CNBD1: variants seen among roughly 807,000 people sequenced by gnomAD.
CNBD1 encodes cyclic nucleotide binding domain containing 1, also known as cyclic nucleotide-binding domain-containing protein 1.
A neutral mutation model predicts 54.4 loss-of-function variants in CNBD1; 71 were observed. The observed-to-expected ratio is 1.30, with a 90% CI of 1.08 to 1.59. The LOEUF is 1.59. CNBD1 is among the 40% of genes most tolerant of loss of function. The probability of loss-of-function intolerance (pLI) is 0.00; values close to 1 mark genes in which losing one functional copy is unlikely to be tolerated. For missense variants in CNBD1, 659 were observed against 518.0 expected (o/e 1.27, Z -2.64); for synonymous variants, 182 against 170.7 (o/e 1.07, Z -0.51).
chr8:87,407,697 T>A (rs1678018214), intron 2 of CNBD1, among the ~76,000 whole-genome samples: 1 of 152,088 alleles, frequency 6.6e-6, no homozygotes, highest in South Asian at 2.1e-4. Context: ...GTAATTTGGA[T>A]AAGTAGGTAA....
intron 4 of CNBD1, among the ~76,000 whole-genome samples, chr8:86,969,793 T>TATACAC (rs1353293101): frequency 2.6e-3 from 371 of 144,530 alleles, no homozygotes; most frequent in African/African-American, 8.9e-3. Flanking sequence ...TATATATATA[T>TATACAC]ACACACACAC....
downstream of CNBD1, among the ~76,000 whole-genome samples, chr8:87,387,427 GA>G (rs996928709): frequency 1.4e-3 from 210 of 151,712 alleles, 1 homozygote; most frequent in African/African-American, 4.6e-3. Flanking sequence ...CAAGCAAATG[GA>G]AAACAAAAAA....
chr8:87,071,016 ATTAT>A (rs1397638604), intron 4 of CNBD1, among the ~76,000 whole-genome samples: 4 of 151,984 alleles, frequency 2.6e-5, no homozygotes, highest in East Asian at 1.9e-4. Context: ...TGATTAGTTA[ATTAT>A]TCTTTGGAAG....
intron 4 of CNBD1, among the ~76,000 whole-genome samples, chr8:87,198,898 C>A (rs1813780894): frequency 6.6e-6 from 1 of 152,110 alleles, no homozygotes. Context: ...TTACAGGAAG[C>A]CTGGTGCGGG....
At chr8:87,272,948 A>G (rs1282119606) in intron 6 of CNBD1, among the ~76,000 whole-genome samples, 1 of 151,902 alleles carries the variant, frequency 6.6e-6, no homozygotes, top group Non-Finnish European at 1.5e-5. Flanking sequence ...AAAATTGTTA[A>G]TATGCTTATA....
At chr8:87,354,874 A>G (rs1308547947) in intron 10 of CNBD1, among the ~76,000 whole-genome samples, 1 of 152,144 alleles carries the variant, frequency 6.6e-6, no homozygotes, top group African/African-American at 2.4e-5. Context: ...ATACGTATGC[A>G]TTTGTCTTTA....
intron 8 of CNBD1, among the ~76,000 whole-genome samples, chr8:87,330,162 A>C (rs1345705977): frequency 6.7e-6 from 1 of 150,182 alleles, no homozygotes; most frequent in Non-Finnish European, 1.5e-5. Context: ...TTATTTTTTT[A>C]ATGTTCATAA....
At chr8:87,147,116 C>T (rs1193772228) in intron 4 of CNBD1, among the ~76,000 whole-genome samples, 1 of 152,130 alleles carries the variant, frequency 6.6e-6, no homozygotes, top group Non-Finnish European at 1.5e-5. Flanking sequence ...ACCCTCTTGT[C>T]ATTAAGATCT....
chr8:87,369,149 G>T (rs547844388), intron 10 of CNBD1, among the ~76,000 whole-genome samples: 2 of 151,584 alleles, frequency 1.3e-5, no homozygotes, highest in African/African-American at 4.8e-5. Flanking sequence ...CTAGATTTTT[G>T]GCTAAATGAT....
chr8:87,317,874 A>G (rs1187998206), intron 8 of CNBD1, among the ~76,000 whole-genome samples: 1 of 119,292 alleles, frequency 8.4e-6, no homozygotes, highest in Non-Finnish European at 1.9e-5. Flanking sequence ...TCTCTGTTCT[A>G]ATATGTATGT....
intron 4 of CNBD1, among the ~76,000 whole-genome samples, chr8:87,098,909 C>T (rs1350280916): frequency 2.6e-5 from 4 of 151,152 alleles, no homozygotes; most frequent in East Asian, 2.0e-4. Context: ...TGGTGGCACA[C>T]GCCTGTAATC....
At chr8:87,227,698 T>G (rs1814536820) in intron 5 of CNBD1, among the ~76,000 whole-genome samples, 1 of 147,930 alleles carries the variant, frequency 6.8e-6, no homozygotes, top group Admixed American at 6.8e-5. Context: ...TCAACTTTGG[T>G]GAATCTGACA....
intron 2 of CNBD1, 90 bp downstream of exon 2, chr8:86,887,701 G>C: frequency 1.2e-6 from 1 of 856,706 alleles, no homozygotes; most frequent in South Asian, 1.9e-5. Flanking sequence ...AACCATTGCT[G>C]GCTCTCAGAG....
At chr8:87,422,354 C>G (rs1192269979) in intron 2 of CNBD1, among the ~76,000 whole-genome samples, 1 of 143,010 alleles carries the variant, frequency 7.0e-6, no homozygotes, top group South Asian at 2.2e-4. Flanking sequence ...TTGCCCGTGC[C>G]TATGTCCTGA....
At chr8:87,137,729 C>T (rs1812287071) in intron 4 of CNBD1, among the ~76,000 whole-genome samples, 1 of 151,832 alleles carries the variant, frequency 6.6e-6, no homozygotes, top group Non-Finnish European at 1.5e-5. Flanking sequence ...CAAATTAAAG[C>T]ATTATAGTGA....
In CNBD1 at chr8:86,939,766, A is replaced by C; in HGVS notation, c.431+12A>C. The C allele has an allele frequency of 2.1e-6, 3 of 1,446,410 alleles. No individual in the cohort carries two copies. The South Asian group carries it at 3.8e-5, about 18-fold the overall frequency. The allele number at this position is 1,446,410 out of a possible 1,614,324, so 89.6% of individuals were successfully genotyped here. On this transcript the variant is annotated intron_variant, in intron 4 of 10. Transcript: ENST00000518476. ...ATCTTAAAGAAATTGTAAGTATTTAAAATATATTCCTTCTTCTAATTGAGT... is the reference window on the plus strand; with the variant it reads ...ATCTTAAAGAAATTGTAAGTATTTACAATATATTCCTTCTTCTAATTGAGT...
intron 8 of CNBD1, among the ~76,000 whole-genome samples, chr8:87,310,170 C>G (rs1809235078): frequency 6.6e-6 from 1 of 151,982 alleles, no homozygotes; most frequent in Non-Finnish European, 1.5e-5. Context: ...GTCCTGGCAA[C>G]ATAGTGAGAC....
At chr8:87,289,734 C>G (rs1389249206) in intron 8 of CNBD1, among the ~76,000 whole-genome samples, 1 of 151,972 alleles carries the variant, frequency 6.6e-6, no homozygotes, top group Non-Finnish European at 1.5e-5. Context: ...TTATCTCAAA[C>G]CAAATGTGGA....
At chr8:86,916,428 A>G (rs1333997602) in intron 3 of CNBD1, among the ~76,000 whole-genome samples, 1 of 152,150 alleles carries the variant, frequency 6.6e-6, no homozygotes, top group Non-Finnish European at 1.5e-5. Context: ...CTGCATCCAC[A>G]CTGGCCTGCT....
Sources: gnomAD v4.1 joint callset for allele counts (sites outside exome capture counted in the v4.1 genomes callset) on GRCh38, gnomAD v4.1.1 for gene constraint, MANE v1.5 for transcripts, NCBI Gene and HGNC (gene_info 2026-07-23, HGNC 2026-07-21) for gene names.